The following DRC7 variants were observed in gnomAD, a reference collection of about 807,000 sequenced individuals.
The protein encoded by DRC7 is coiled-coil domain containing 135.
A neutral mutation model predicts 104.4 loss-of-function variants in DRC7; 80 were observed. The observed-to-expected ratio is 0.77, with a 90% CI of 0.64 to 0.92. The LOEUF (loss-of-function observed/expected upper bound fraction) is 0.92, where lower values mean the gene tolerates loss of function less well. Among genes scored for constraint, DRC7 ranks in the 40% least tolerant of loss-of-function variants. DRC7 has a pLI of 0.00. For missense variants in DRC7, 1,034 were observed against 1,141.1 expected (o/e 0.91, Z 1.35); for synonymous variants, 405 against 447.3 (o/e 0.91, Z 1.19).
At chr16:57,697,003 C>T (rs2048599325) in intron 2 of DRC7, among the ~76,000 whole-genome samples, 1 of 152,184 alleles carries the variant, frequency 6.6e-6, no homozygotes, top group African/African-American at 2.4e-5. Flanking sequence ...ACCTCTGCCT[C>T]CCAGGTTCAA....
chr16:57,731,745 A>C lies in DRC7; in HGVS notation c.*487A>C, dbSNP rs2049064135. 6.0e-6 allele frequency: 1 copy of C among 166,410 alleles called. No homozygotes were observed. The highest frequency in any genetic ancestry group is 1.3e-5 in the Non-Finnish European group (1 of 77,236). The allele number at this position is 166,410 out of a possible 1,614,324, so 10.3% of individuals were successfully genotyped here. On this transcript the variant is annotated 3_prime_UTR_variant, in exon 19 of 19. Transcript: ENST00000360716. ...GAATCCCAGCTCCTCCTCTTACCAG[A>C]TACCACTTACCCATCTGTGGAATGG...
chr16:57,700,082 C>T, intron 4 of DRC7, 63 bp from the exon 5 acceptor site: 6 of 1,570,978 alleles, frequency 3.8e-6, no homozygotes, highest in Non-Finnish European at 5.2e-6. Flanking sequence ...AAGGAAGGCC[C>T]CAAGCTTGAT....
intron 1 of DRC7, 77 bp downstream of exon 1, chr16:57,694,929 G>C (rs1441677943): frequency 6.6e-6 from 1 of 152,188 alleles, no homozygotes; most frequent in Non-Finnish European, 1.5e-5. Flanking sequence ...GCCCCCTTCT[G>C]CCTGGGGGCC....
intron 17 of DRC7, 119 bp from the exon 18 acceptor site, chr16:57,730,812 G>A: frequency 9.2e-7 from 1 of 1,087,408 alleles, no homozygotes; most frequent in Non-Finnish European, 1.3e-6. Context: ...GCTTGTGTGA[G>A]TGGGGACACT....
rs145778054 is a variant in DRC7 at position 57,724,650 on chromosome 16, C to T, written c.1573C>T (p.Arg525Cys). The change falls in exon 13 of 19, where the codon CGT (arginine) becomes TGT (cysteine). Residue 525 changes from arginine to cysteine, a missense_variant. Physicochemically the swap from Arg to Cys is radical, Grantham distance 180 (BLOSUM62 -3). Coordinates refer to ENST00000360716, the MANE Select transcript of DRC7 (RefSeq NM_001289162.2). ...CAAGTCCATGCAACCTGAGATGGAC[C>T]GTGTCATTGAGTTTTATGAAACGGC... is the stretch of plus-strand genomic sequence containing the variant. ...SYKSMQPEMDRVIEFYETARV... is the reference protein window; with the variant it reads ...SYKSMQPEMDCVIEFYETARV... 54 of 1,613,572 alleles carry T rather than the reference C, an allele frequency of 3.3e-5. No homozygotes were observed. Among genetic ancestry groups the T allele is most frequent in the African/African-American group, 2.0e-4 (15 of 74,874 alleles).
intron 9 of DRC7, among the ~76,000 whole-genome samples, chr16:57,720,795 G>T (rs556629935): frequency 6.6e-6 from 1 of 152,296 alleles, no homozygotes; most frequent in East Asian, 1.9e-4. Context: ...GTGGAAAAAA[G>T]GTTTTAAGTC....
Position 57,731,200 on chromosome 16 carries a change from T to C in DRC7, c.2567T>C (p.Leu856Pro). The change falls in exon 19 of 19, where the codon CTG becomes CCG. Residue 856 changes from leucine to proline, a missense_variant. Leu to Pro is a moderately conservative substitution (Grantham distance 98). Transcript: ENST00000360716. ...KELAPLKYLA[L>P]EEKLYKDPRL... ...CTGGCCCCACTGAAGTACCTGGCTCTGGAGGAAAAGCTCTACAAGGACCCA... is the reference window on the plus strand; with the variant it reads ...CTGGCCCCACTGAAGTACCTGGCTCCGGAGGAAAAGCTCTACAAGGACCCA... 2 of 1,613,874 alleles carry C rather than the reference T, an allele frequency of 1.2e-6. No homozygotes were observed. Among genetic ancestry groups the C allele is most frequent in the Non-Finnish European group, 8.5e-7 (1 of 1,179,988 alleles).
chr16:57,725,780 T>A, intron 13 of DRC7: 1 of 405,192 alleles, frequency 2.5e-6, no homozygotes. Context: ...TGTCTAGCAA[T>A]GGAGTAGGCT....
At chr16:57,705,516 C>A (rs2048704268) in intron 7 of DRC7, among the ~76,000 whole-genome samples, 1 of 149,686 alleles carries the variant, frequency 6.7e-6, no homozygotes, top group Non-Finnish European at 1.5e-5. Flanking sequence ...AACCTTCCAT[C>A]CATCCATCCT....
At chr16:57,716,876 G>A (rs183875125) in intron 8 of DRC7, among the ~76,000 whole-genome samples, 77 of 152,234 alleles carry the variant, frequency 5.1e-4, no homozygotes, top group African/African-American at 1.8e-3. Flanking sequence ...CACCTTCTAG[G>A]AATTATCTGA....
chr16:57,726,223 C>T lies in DRC7; in HGVS notation c.1914C>T (p.Thr638=). The T allele has an allele frequency of 1.2e-6, 2 of 1,613,084 alleles. No homozygotes were observed. Among genetic ancestry groups the T allele is most frequent in the Non-Finnish European group, 8.5e-7 (1 of 1,179,938 alleles). The change falls in exon 14 of 19, where the codon ACC becomes ACT. Residue 638 remains threonine, a synonymous_variant. Transcript: ENST00000360716. The part of the protein sequence containing the change: ...TASKREFLRR[T]EVDSKGNKII... ...CCAAGCGCGAGTTCCTGCGGCGCAC[C>T]GAGGTGGACAGCAAAGGCAACAAGA...
At chr16:57,729,654 G>A (rs1233198276) in intron 17 of DRC7, among the ~76,000 whole-genome samples, 2 of 89,898 alleles carry the variant, frequency 2.2e-5, no homozygotes, top group Non-Finnish European at 4.1e-5. Context: ...GGGGTGGGTG[G>A]GTGGATGGAT....
intron 16 of DRC7, 39 bp from the exon 17 acceptor site, chr16:57,728,351 G>A (rs778499135): frequency 5.1e-5 from 78 of 1,533,944 alleles, no homozygotes; most frequent in Non-Finnish European, 6.1e-5. Flanking sequence ...GGTCTCTGTA[G>A]TTCCTGCTGA....
At chr16:57,705,934 TC>T (rs2048717011) in intron 7 of DRC7, among the ~76,000 whole-genome samples, 1 of 58,056 alleles carries the variant, frequency 1.7e-5, no homozygotes, top group Admixed American at 1.5e-4. Flanking sequence ...ATCCATCCTC[TC>T]ATCCATCCAT....
Position 57,724,822 on chromosome 16 carries a change from C to A in DRC7, c.1745C>A (p.Pro582His). The A allele has an allele frequency of 6.2e-7, 1 of 1,613,154 alleles. No homozygotes were observed. Reference protein sequence around the residue: ...KLTLSSAESNPRPIVKITERF... With the variant: ...KLTLSSAESNHRPIVKITERF... ...ACTCTGAGCAGTGCAGAGTCAAACC[C>A]CCGGCCCATTGTGGTAAGAGCTCGC... Residue 582 changes from proline (P) to histidine (H), a missense_variant, in exon 13 of 19, where the codon CCC becomes CAC. By Grantham distance (77) the Pro-to-His change is moderately conservative (BLOSUM62 -2). Transcript: ENST00000360716.
intron 8 of DRC7, among the ~76,000 whole-genome samples, chr16:57,708,212 C>T (rs1290203615): frequency 1.3e-5 from 2 of 152,216 alleles, no homozygotes; most frequent in East Asian, 1.9e-4. Flanking sequence ...ACACTGAACA[C>T]ACCTGTGTAG....
intron 7 of DRC7, 33 bp from the exon 8 acceptor site, chr16:57,707,427 T>C: frequency 3.8e-6 from 6 of 1,588,520 alleles, no homozygotes; most frequent in Non-Finnish European, 5.1e-6. Context: ...CTTCCAGCCA[T>C]CTGACTCGTA....
chr16:57,723,031 T>G lies in DRC7; in HGVS notation c.1438T>G (p.Tyr480Asp). Reference sequence around the variant, plus strand: ...CAATATTTTGGAGATAAAGGAGTGGTACCAGAACCGGGAAGACATGCTGGA... The same window carrying G: ...CAATATTTTGGAGATAAAGGAGTGGGACCAGAACCGGGAAGACATGCTGGA... ...CTNILEIKEW[Y>D]QNREDMLELK... The change falls in exon 12 of 19, where the codon TAC (tyrosine) becomes GAC (aspartate). Residue 480 changes from tyrosine to aspartate, a missense_variant. Physicochemically the swap from Tyr to Asp is radical, Grantham distance 160. Coordinates refer to ENST00000360716, the MANE Select transcript of DRC7 (RefSeq NM_001289162.2). 1.2e-6 allele frequency: 2 copies of G among 1,613,826 alleles called. No homozygotes were observed. Among genetic ancestry groups the G allele is most frequent in the Non-Finnish European group, 1.7e-6 (2 of 1,179,996 alleles).
chr16:57,714,830 T>G (rs1345909307), intron 8 of DRC7: 1 of 358,512 alleles, frequency 2.8e-6, no homozygotes, highest in Admixed American at 3.5e-5. Flanking sequence ...TCCTTCCCAG[T>G]ATATACTACT....
Sources: allele counts gnomAD v4.1 joint callset (sites outside exome capture counted in the v4.1 genomes callset), GRCh38; gene constraint gnomAD v4.1.1; transcripts MANE v1.5; gene names NCBI Gene and HGNC (gene_info 2026-07-23, HGNC 2026-07-21).